The following ARHGEF15 variants were observed in gnomAD, a reference collection of about 807,000 sequenced individuals.
ARHGEF15 encodes the protein Rho guanine nucleotide exchange factor 15.
ARHGEF15 carries 58 observed loss-of-function variants against 79.7 expected under a neutral mutation model. The observed-to-expected ratio is 0.73, with a 90% CI of 0.59 to 0.91. The LOEUF (loss-of-function observed/expected upper bound fraction) is 0.91, where lower values mean the gene tolerates loss of function less well. Ranked by LOEUF, ARHGEF15 falls within the 40% of genes least tolerant of loss-of-function variation. The probability of loss-of-function intolerance (pLI) is 0.00; values close to 1 mark genes in which losing one functional copy is unlikely to be tolerated. For synonymous variants in ARHGEF15, 442 were observed against 456.0 expected (o/e 0.97, Z 0.39); for missense variants, 1,012 against 1,108.1 (o/e 0.91, Z 1.23).
chr17:8,314,639 G>A (rs548699780), intron 4 of ARHGEF15, among the ~76,000 whole-genome samples: 4 of 150,482 alleles, frequency 2.7e-5, no homozygotes, highest in African/African-American at 9.8e-5. Flanking sequence ...AGTAGGTTAC[G>A]CCTGTAATCC....
In ARHGEF15 at chr17:8,319,145, C is replaced by T. The variant is rs1203702014; in HGVS notation, c.2172C>T (p.Leu724=). The T allele has an allele frequency of 1.9e-6, 3 of 1,613,782 alleles. No individual in the cohort carries two copies. The South Asian group carries it at 3.3e-5, about 18-fold the overall frequency. The change falls in exon 13 of 16, where the codon CTC becomes CTT. Residue 724 remains leucine, a synonymous_variant. Transcript: ENST00000361926. ...NHQGRPTHRL[L]QASSLSDMQR... ...AGGGCCGCCCCACCCACCGACTACT[C>T]CAAGCTTCTTCCCTGTGAGTTGTGT...
At position 8,318,696 on chromosome 17, in the gene ARHGEF15, G is replaced by C. The variant is rs768860954; in HGVS notation, c.1872+34G>C. 6.2e-7 allele frequency: 1 copy of C among 1,609,814 alleles called. No individual in the cohort carries two copies. The highest frequency in any genetic ancestry group is 1.3e-5 in the African/African-American group (1 of 74,860). ...CTGCCCAGGCTCCCCATCTTGCCCTGCCCCATGTTGCTGCTGCCACGCTAG... is the reference window on the plus strand; with the variant it reads ...CTGCCCAGGCTCCCCATCTTGCCCTCCCCCATGTTGCTGCTGCCACGCTAG... On this transcript the variant is annotated intron_variant, in intron 11 of 15. Coordinates refer to ENST00000361926, the MANE Select transcript of ARHGEF15 (RefSeq NM_173728.4). This position sits in a 1 kb window ranked among gnomAD's most constrained non-coding sequence, Gnocchi z 5.0.
Position 8,311,979 on chromosome 17 carries a change from C to T in ARHGEF15, c.-49-12C>T. On this transcript the variant is annotated splice_polypyrimidine_tract_variant and intron_variant, in intron 1 of 15. Transcript: ENST00000361926. ...CACTAAGGGTCTTTCTCTTTCCCTC[C>T]CTCCTCCTCAGGGGATGACTCCAGC... 6.8e-7 allele frequency: 1 copy of T among 1,462,044 alleles called. No homozygotes were observed. Among genetic ancestry groups the T allele is most frequent in the Non-Finnish European group, 9.0e-7 (1 of 1,105,656 alleles). 90.6% of individuals were successfully genotyped at this position (1,462,044 alleles called of 1,614,324 possible).
intron 1 of ARHGEF15, chr17:8,310,914 G>A (rs1298300112): frequency 1.3e-5 from 2 of 152,298 alleles, no homozygotes; most frequent in East Asian, 1.9e-4. Flanking sequence ...GGGTAGGGAA[G>A]GAAGTAAATG....
chr17:8,315,277 G>A lies in ARHGEF15; in HGVS notation c.1260G>A (p.Glu420=). 6.2e-7 allele frequency: 1 copy of A among 1,612,960 alleles called. No homozygotes were observed. Among genetic ancestry groups the A allele is most frequent in the Non-Finnish European group, 8.5e-7 (1 of 1,179,848 alleles). The change falls in exon 6 of 16, where the codon GAG becomes GAA. Residue 420 remains glutamate, a splice_region_variant and synonymous_variant. Coordinates refer to ENST00000361926, the MANE Select transcript of ARHGEF15 (RefSeq NM_173728.4). The surrounding 1 kb of genome is among the most constrained non-coding windows in gnomAD (Gnocchi z 4.3). Reference sequence around the variant, plus strand: ...GCCCCCAGGAGAGGCGCATGCAGGAGGTGGGAGCTGGAGGTGGGAGATGGG... The same window carrying A: ...GCCCCCAGGAGAGGCGCATGCAGGAAGTGGGAGCTGGAGGTGGGAGATGGG... ...TLSPQERRMQ[E]SLFEVVTSEA... is the part of the protein sequence containing the mutation.
rs1597460939 is a variant in ARHGEF15, at chr17:8,312,617, G to A, written c.578G>A (p.Gly193Glu). 6.2e-7 allele frequency: 1 copy of A among 1,613,368 alleles called. No homozygotes were observed. The highest frequency in any genetic ancestry group is 8.5e-7 in the Non-Finnish European group (1 of 1,179,950). The stretch of plus-strand genomic sequence containing the variant: ...AGAGAAGCTCCCCTCACCGGGAGTG[G>A]GTCCCAGGAGAACGGTGCTCCAGGT... ...GEREAPLTGS[G>E]SQENGAPDAG... The change falls in exon 2 of 16, where the codon GGG (glycine) becomes GAG (glutamate). Residue 193 changes from glycine (G) to glutamate (E), a missense_variant. By Grantham distance (98) the Gly-to-Glu change is moderately conservative. This residue lies in a region of ARHGEF15 where 818 missense variants were observed against 882.5 expected (regional missense o/e 0.93). Coordinates refer to ENST00000361926, the MANE Select transcript of ARHGEF15 (RefSeq NM_173728.4).
intron 3 of ARHGEF15, 74 bp downstream of exon 3, chr17:8,313,328 C>G: frequency 6.5e-6 from 10 of 1,536,752 alleles, no homozygotes; most frequent in Non-Finnish European, 8.8e-6. Context: ...TAAAGCCCAG[C>G]AAACTACAAT....
In ARHGEF15 at chr17:8,315,217, G is replaced by A. The variant is rs1904931028; in HGVS notation, c.1200G>A (p.Pro400=). The change falls in exon 6 of 16, where the codon CCG becomes CCA. Residue 400 remains proline (P), a synonymous_variant. Transcript: ENST00000361926. The surrounding 1 kb of genome is among the most constrained non-coding windows in gnomAD (Gnocchi z 4.3). ...GPRNTLWQEL[P]AVQASGLLDT... ...GCAACACCCTGTGGCAGGAGCTTCCGGCTGTGCAAGCCAGCGGTCTTCTGG... is the reference window on the plus strand; with the variant it reads ...GCAACACCCTGTGGCAGGAGCTTCCAGCTGTGCAAGCCAGCGGTCTTCTGG... 2 of 1,613,690 alleles carry A rather than the reference G, an allele frequency of 1.2e-6. No homozygotes were observed. The highest frequency in any genetic ancestry group is 1.7e-6 in the Non-Finnish European group (2 of 1,179,924).
rs146014287 is a variant in ARHGEF15, at chr17:8,314,961, G to C, written c.1045G>C (p.Asp349His). The change falls in exon 5 of 16, where the codon GAT (aspartate) becomes CAT (histidine). Residue 349 changes from aspartate to histidine, a missense_variant. Physicochemically the swap from Asp to His is moderately conservative, Grantham distance 81. This residue lies in a region of ARHGEF15 where 818 missense variants were observed against 882.5 expected (regional missense o/e 0.93). Coordinates refer to ENST00000361926, the MANE Select transcript of ARHGEF15 (RefSeq NM_173728.4). ...KEQNWELPLQDEPLYQTYRAA... is the reference protein window; with the variant it reads ...KEQNWELPLQHEPLYQTYRAA... ...GCAGAATTGGGAGCTGCCCCTGCAG[G>C]ATGGTGAGGGCCTCTGGACCTGAGG... 723 of 1,614,000 alleles carry C rather than the reference G, an allele frequency of 4.5e-4. No homozygotes were observed. Among genetic ancestry groups the C allele is most frequent in the Non-Finnish European group, 5.8e-4 (684 of 1,180,006 alleles).
chr17:8,312,256 C>G lies in ARHGEF15; in HGVS notation c.217C>G (p.Pro73Ala). 1 of 1,454,904 alleles carries G rather than the reference C, an allele frequency of 6.9e-7. No homozygotes were observed. Among genetic ancestry groups the G allele is most frequent in the South Asian group, 1.2e-5 (1 of 80,756 alleles). The allele number at this position is 1,454,904 out of a possible 1,614,324, so 90.1% of individuals were successfully genotyped here. A position where few individuals can be genotyped will look rare whatever the true frequency, so the allele number is the denominator to read the frequency against. Residue 73 changes from proline (P) to alanine (A), a missense_variant, in exon 2 of 16, where the codon CCT becomes GCT. Pro to Ala is a conservative substitution (Grantham distance 27). Around this residue, in one of 3 missense-constraint regions of ARHGEF15, gnomAD observed 818 missense variants for 882.5 expected, o/e 0.93. Coordinates refer to ENST00000361926, the MANE Select transcript of ARHGEF15 (RefSeq NM_173728.4). ...WEPPAASLKP[P>A]ALLPPSASRA... ...GCCCCCAGCTGCATCCCTCAAGCCCCCTGCTCTTTTGCCCCCCTCAGCTTC... is the reference window on the plus strand; with the variant it reads ...GCCCCCAGCTGCATCCCTCAAGCCCGCTGCTCTTTTGCCCCCCTCAGCTTC...
Position 8,319,003 on chromosome 17 carries a change from G to A in ARHGEF15, c.2034-4G>A. On this transcript the variant is annotated splice_polypyrimidine_tract_variant and splice_region_variant and intron_variant, in intron 12 of 15. Transcript: ENST00000361926. ...TCCTTCTGAACGACCTCATCCCTGG[G>A]CAGTGGGCAGCGGTTACAGGTTCTG... 1.2e-6 allele frequency: 2 copies of A among 1,613,166 alleles called. No homozygotes were observed. Among genetic ancestry groups the A allele is most frequent in the Non-Finnish European group, 1.7e-6 (2 of 1,179,780 alleles).
At chr17:8,310,772 G>C (rs934238103) in intron 1 of ARHGEF15, 5 of 152,648 alleles carry the variant, frequency 3.3e-5, no homozygotes, top group Middle Eastern at 3.4e-3. Context: ...TCGTGAGGGG[G>C]GGGTGTCCGG....
chr17:8,319,228 C>T, intron 13 of ARHGEF15, 69 bp downstream of exon 13: 1 of 1,606,254 alleles, frequency 6.2e-7, no homozygotes, highest in South Asian at 1.1e-5. Flanking sequence ...CCCCCACTTC[C>T]CCAGTCTCTC....
intron 2 of ARHGEF15, 134 bp downstream of exon 2, chr17:8,312,774 G>T: frequency 6.3e-7 from 1 of 1,578,966 alleles, no homozygotes; most frequent in South Asian, 1.1e-5. Context: ...CTGTATGTCG[G>T]GATTTGAAGG....
chr17:8,313,593 C>A (rs758937731), intron 4 of ARHGEF15, 38 bp downstream of exon 4: 2 of 1,593,008 alleles, frequency 1.3e-6, no homozygotes, highest in South Asian at 2.3e-5. Flanking sequence ...TGGTTCTCTC[C>A]CCACCATGCT....
chr17:8,319,796 T>G (rs1458995862), intron 15 of ARHGEF15, among the ~76,000 whole-genome samples, 193 bp downstream of exon 15: 1 of 152,078 alleles, frequency 6.6e-6, no homozygotes, highest in Non-Finnish European at 1.5e-5. Flanking sequence ...CCACCACGTC[T>G]GGCTAATTTT....
intron 4 of ARHGEF15, among the ~76,000 whole-genome samples, chr17:8,314,221 A>G (rs753223950): frequency 1.2e-4 from 18 of 152,226 alleles, no homozygotes; most frequent in Admixed American, 8.5e-4. Flanking sequence ...TTGTCCGAAA[A>G]TCTATTTGGC....
chr17:8,321,206 A>C lies in ARHGEF15; in HGVS notation c.*213A>C. The C allele has an allele frequency of 1.6e-6, 1 of 638,292 alleles. No homozygotes were observed. The highest frequency in any genetic ancestry group is 2.6e-6 in the Non-Finnish European group (1 of 380,550). 39.5% of individuals were successfully genotyped at this position (638,292 alleles called of 1,614,324 possible). A position where few individuals can be genotyped will look rare whatever the true frequency, so the allele number is the denominator to read the frequency against. On this transcript the variant is annotated 3_prime_UTR_variant, in exon 16 of 16. Coordinates refer to ENST00000361926, the MANE Select transcript of ARHGEF15 (RefSeq NM_173728.4). The stretch of plus-strand genomic sequence containing the variant: ...TGAGGATGCCTTGAATGTGTGGCCA[A>C]TGGAGACAGAGGCTTAGTGCAGAGC...
chr17:8,313,106 C>T lies in ARHGEF15; in HGVS notation c.786C>T (p.Val262=). ...HPPSIGHPAV[V]LTSYRSTAER... is the part of the protein sequence containing the mutation. Reference sequence around the variant, plus strand: ...CAAGCATCGGTCACCCTGCCGTTGTCCTCACATCCTACCGCTCCACTGCTG... The same window carrying T: ...CAAGCATCGGTCACCCTGCCGTTGTTCTCACATCCTACCGCTCCACTGCTG... The change falls in exon 3 of 16, where the codon GTC becomes GTT. Residue 262 remains valine, a synonymous_variant. Coordinates refer to ENST00000361926, the MANE Select transcript of ARHGEF15 (RefSeq NM_173728.4). 1 of 1,611,472 alleles carries T rather than the reference C, an allele frequency of 6.2e-7. No homozygotes were observed. Among genetic ancestry groups the T allele is most frequent in the Non-Finnish European group, 8.5e-7 (1 of 1,178,972 alleles).
Sources: gnomAD v4.1 joint callset for allele counts (sites outside exome capture counted in the v4.1 genomes callset) on GRCh38, gnomAD v4.1.1 for gene constraint, gnomAD v4.1.1 regional missense constraint, Gnocchi (gnomAD v3.1) non-coding constraint, MANE v1.5 for transcripts, NCBI Gene and HGNC (gene_info 2026-07-23, HGNC 2026-07-21) for gene names.